Variants in PCDH15 observed in about 807,000 individuals in gnomAD.
PCDH15 encodes protocadherin related 15, also known as protocadherin-15.
Under a neutral mutation model 178.5 loss-of-function variants are expected in PCDH15, and 129 were observed. The observed-to-expected ratio is 0.72, with a 90% CI of 0.63 to 0.84. PCDH15 has a LOEUF of 0.84. Among genes scored for constraint, PCDH15 ranks in the 40% least tolerant of loss-of-function variants. The pLI is 0.00. For missense variants in PCDH15, 2,230 were observed against 2,099.9 expected (o/e 1.06, Z -1.21); for synonymous variants, 800 against 732.0 (o/e 1.09, Z -1.50).
intron 1 of PCDH15, among the ~76,000 whole-genome samples, chr10:54,711,430 G>A (rs2095427098): frequency 6.6e-6 from 1 of 151,722 alleles, no homozygotes. Context: ...TGATTTATAG[G>A]GAGTATATTG....
At chr10:54,149,346 TATGTAATAA>T (rs1355395252) in intron 14 of PCDH15, among the ~76,000 whole-genome samples, 1 of 152,138 alleles carries the variant, frequency 6.6e-6, no homozygotes, top group African/African-American at 2.4e-5. Flanking sequence ...TAAATGGTAG[TATGTAATAA>T]ATGGTTTGTT....
At chr10:55,406,970 G>C (rs188249314) in intron 2 of PCDH15, among the ~76,000 whole-genome samples, 65 of 152,222 alleles carry the variant, frequency 4.3e-4, no homozygotes, top group African/African-American at 1.6e-3. Context: ...AGTGATACAC[G>C]ATGCCAAATG....
At chr10:54,277,325 G>T (rs547925697) in intron 8 of PCDH15, among the ~76,000 whole-genome samples, 1 of 151,612 alleles carries the variant, frequency 6.6e-6, no homozygotes, top group South Asian at 2.1e-4. Context: ...TGGGTGAGTG[G>T]CAAAGCAACT....
At chr10:54,327,399 A>G (rs1938372458) in intron 7 of PCDH15, among the ~76,000 whole-genome samples, 1 of 150,442 alleles carries the variant, frequency 6.6e-6, no homozygotes, top group Non-Finnish European at 1.5e-5. Context: ...AAATATATAC[A>G]CACATACAGA....
upstream of PCDH15, among the ~76,000 whole-genome samples, chr10:55,323,101 G>A (rs115602026): frequency 5.2e-3 from 790 of 152,326 alleles, 11 homozygotes; most frequent in African/African-American, 0.018. Flanking sequence ...AAAGGGTGCA[G>A]TTTCCAAGTC....
chr10:54,541,226 A>G (rs2085184640), intron 2 of PCDH15, among the ~76,000 whole-genome samples: 1 of 152,216 alleles, frequency 6.6e-6, no homozygotes, highest in Middle Eastern at 3.4e-3. Flanking sequence ...AAGTCAAACT[A>G]TCTCTTCTAT....
At chr10:54,454,797 A>G (rs1285140873) in intron 3 of PCDH15, among the ~76,000 whole-genome samples, 1 of 152,210 alleles carries the variant, frequency 6.6e-6, no homozygotes, top group African/African-American at 2.4e-5. Context: ...TCGTGCAAGT[A>G]TATCTAGGTT....
chr10:54,070,735 G>A (rs1010190161), intron 17 of PCDH15, among the ~76,000 whole-genome samples: 1 of 152,086 alleles, frequency 6.6e-6, no homozygotes, highest in Middle Eastern at 3.4e-3. Context: ...GACTACAGGT[G>A]CACGCCACTA....
chr10:54,243,530 A>G (rs536544712), intron 8 of PCDH15, among the ~76,000 whole-genome samples: 1 of 152,276 alleles, frequency 6.6e-6, no homozygotes, highest in Admixed American at 6.5e-5. Context: ...AGTGAACATT[A>G]TTAGTCTCAT....
At chr10:54,766,893 G>A (rs1948575283) in intron 1 of PCDH15, among the ~76,000 whole-genome samples, 1 of 151,652 alleles carries the variant, frequency 6.6e-6, no homozygotes, top group South Asian at 2.1e-4. Context: ...TAGCACCACT[G>A]CACTCCAGCC....
chr10:55,088,334 T>C (rs1307011035), intron 2 of PCDH15, among the ~76,000 whole-genome samples: 1 of 152,000 alleles, frequency 6.6e-6, no homozygotes, highest in Admixed American at 6.6e-5. Context: ...AGTGGCGTGA[T>C]CTTGGCTCAC....
chr10:55,043,322 G>A (rs925122555), intron 2 of PCDH15, among the ~76,000 whole-genome samples: 17 of 151,888 alleles, frequency 1.1e-4, no homozygotes, highest in African/African-American at 4.1e-4. Flanking sequence ...TGAGATGCAG[G>A]ATTATATCTG....
intron 3 of PCDH15, among the ~76,000 whole-genome samples, chr10:54,492,417 G>A (rs1367780379): frequency 1.3e-5 from 2 of 152,190 alleles, no homozygotes; most frequent in African/African-American, 4.8e-5. Flanking sequence ...TGAATAAAAT[G>A]TGGTGGATTA....
chr10:54,250,077 C>CTATTTTTTTTTTTTTTTTTTT (rs1412806029), intron 8 of PCDH15, among the ~76,000 whole-genome samples: 11 of 137,804 alleles, frequency 8.0e-5, no homozygotes, highest in African/African-American at 2.7e-4. Flanking sequence ...CCACATCCGG[C>CTATTTTTTTTTTTTTTTTTTT]TTTTTTTTTT....
At chr10:54,322,089 A>G (rs185998029) in intron 7 of PCDH15, among the ~76,000 whole-genome samples, 10 of 152,130 alleles carry the variant, frequency 6.6e-5, no homozygotes, top group Admixed American at 2.6e-4. Flanking sequence ...AAATCAAAAC[A>G]AAAACAACAA....
rs1170885233 is a variant in PCDH15, at chr10:54,307,104, GTATA to G, written c.876+10163_876+10166del. 2.7e-3 allele frequency among the ~76,000 whole-genome samples: 72 copies of G among 26,534 alleles called. 9 individuals are homozygous for G. Among genetic ancestry groups the G allele is most frequent in the East Asian group, 0.012 (8 of 680 alleles). 17.4% of individuals were successfully genotyped at this position (26,534 alleles called of 152,430 possible). On this transcript the variant is annotated intron_variant, in intron 8 of 37. Transcript: ENST00000644397. ...TACATATATATATATGTGTGTGTGT[GTATA>G]TATATATATATATATATATATATAT...
chr10:55,154,324 C>T (rs1771803297), intron 2 of PCDH15, among the ~76,000 whole-genome samples: 1 of 151,918 alleles, frequency 6.6e-6, no homozygotes, highest in Admixed American at 6.6e-5. Context: ...TGTAAAAGTC[C>T]GTTCATTTGT....
intron 2 of PCDH15, among the ~76,000 whole-genome samples, chr10:55,466,626 T>C (rs1839836359): frequency 2.0e-5 from 3 of 151,584 alleles, no homozygotes; most frequent in Admixed American, 6.6e-5. Flanking sequence ...ATAAGAAAAA[T>C]TGGAATGGAG....
At chr10:54,402,485 G>A (rs905250538) in intron 3 of PCDH15, among the ~76,000 whole-genome samples, 3 of 151,880 alleles carry the variant, frequency 2.0e-5, no homozygotes, top group Non-Finnish European at 4.4e-5. Flanking sequence ...TTCTTTATTA[G>A]TTTATTGAAC....
Sources: gnomAD v4.1 joint callset for allele counts (sites outside exome capture counted in the v4.1 genomes callset) on GRCh38, gnomAD v4.1.1 for gene constraint, MANE v1.5 for transcripts, NCBI Gene and HGNC (gene_info 2026-07-23, HGNC 2026-07-21) for gene names.